The following PANK2 variants were observed in gnomAD, a reference collection of about 807,000 sequenced individuals.
PANK2 encodes the protein pantothenate kinase 2, also known as pantothenate kinase 2, mitochondrial.
Under a neutral mutation model 43.1 loss-of-function variants are expected in PANK2, and 36 were observed. The ratio of observed to expected loss-of-function variants is 0.84; its 90% confidence interval spans 0.64 to 1.10. PANK2 has a LOEUF of 1.10. Among genes scored for constraint, PANK2 ranks in the 50% least tolerant of loss-of-function variants. PANK2 has a pLI of 0.00. For missense variants in PANK2, 576 were observed against 593.3 expected, an observed-to-expected ratio of 0.97 and a Z score of 0.30; for synonymous variants, 281 against 238.2, an observed-to-expected ratio of 1.18 and a Z score of -1.66.
chr20:3,893,909 GT>G (rs1037817458), intron 1 of PANK2, among the ~76,000 whole-genome samples: 2,723 of 132,506 alleles, frequency 0.021, 86 homozygotes, highest in African/African-American at 0.065. Flanking sequence ...CAAGATGGGA[GT>G]TTTTTTTTTG....
At chr20:3,907,099 CTTTTTTT>C (rs71195867) in intron 1 of PANK2, among the ~76,000 whole-genome samples, 1 of 80,628 alleles carries the variant, frequency 1.2e-5, no homozygotes, top group Non-Finnish European at 2.2e-5. Flanking sequence ...CCAGCCCTGC[CTTTTTTT>C]TTTTTTTTTT....
chr20:3,919,115 C>CA (rs1286470327), intron 6 of PANK2, among the ~76,000 whole-genome samples: 1 of 152,124 alleles, frequency 6.6e-6, no homozygotes, highest in African/African-American at 2.4e-5. Context: ...CCATGTTGGC[C>CA]AAGCTGGTCT....
intron 5 of PANK2, chr20:3,917,456 G>T (rs770517405): frequency 7.5e-6 from 4 of 534,194 alleles, no homozygotes; most frequent in Non-Finnish European, 1.5e-5. Flanking sequence ...GCCGAGGGGT[G>T]CCCTCCTTGG....
chr20:3,923,915 T>C lies in PANK2; in HGVS notation c.*621T>C, dbSNP rs188359395. On this transcript the variant is annotated 3_prime_UTR_variant, in exon 7 of 7. Transcript: ENST00000610179. ...AATGTCTGGAGAGACAGGGCTTCTT[T>C]TCTTGGCAGAATTTCCTTGGGTAGT... 1 of 155,588 alleles carries C rather than the reference T, an allele frequency of 6.4e-6. No individual in the cohort carries two copies. Among genetic ancestry groups the C allele is most frequent in the East Asian group, 1.9e-4 (1 of 5,280 alleles). The allele number at this position is 155,588 out of a possible 1,614,324, so 9.6% of individuals were successfully genotyped here.
At chr20:3,910,476 A>G in intron 2 of PANK2, 101 bp from the exon 3 acceptor site, 1 of 1,303,596 alleles carries the variant, frequency 7.7e-7, no homozygotes, top group Non-Finnish European at 1.1e-6. Flanking sequence ...CTGTGAGTGC[A>G]CTTTCATGGT....
rs2090603216 is a variant in PANK2, at chr20:3,918,810, T to G, written c.1332+14T>G. Reference sequence around the variant, plus strand: ...TCGGAACACGAGGTAAGCTGACTTGTTCGTTGTGGTATATTATGTACACAG... The same window carrying G: ...TCGGAACACGAGGTAAGCTGACTTGGTCGTTGTGGTATATTATGTACACAG... On this transcript the variant is annotated intron_variant, in intron 6 of 6. Transcript: ENST00000610179. The G allele has an allele frequency of 6.2e-7, 1 of 1,614,070 alleles. No individual in the cohort carries two copies.
intron 1 of PANK2, among the ~76,000 whole-genome samples, chr20:3,905,764 G>A (rs1468121973): frequency 1.4e-5 from 2 of 141,396 alleles, no homozygotes; most frequent in East Asian, 4.1e-4. Context: ...CACCCAGGCT[G>A]TAGTGCAGTA....
At chr20:3,917,844 C>T (rs536866694) in intron 5 of PANK2, among the ~76,000 whole-genome samples, 1 of 152,212 alleles carries the variant, frequency 6.6e-6, no homozygotes, top group Non-Finnish European at 1.5e-5. Context: ...TGTTCCCTTT[C>T]CTGTGCTTAC....
chr20:3,919,629 A>G (rs947132165), intron 6 of PANK2, among the ~76,000 whole-genome samples: 6 of 152,178 alleles, frequency 3.9e-5, no homozygotes, highest in African/African-American at 1.4e-4. Flanking sequence ...CCTGTCTTGG[A>G]AAGCACTCTT....
In PANK2 at chr20:3,923,755, G is replaced by T. The variant is rs1459980125; in HGVS notation, c.*461G>T. On this transcript the variant is annotated 3_prime_UTR_variant, in exon 7 of 7. Coordinates refer to ENST00000610179, the MANE Select transcript of PANK2 (RefSeq NM_001386393.1). Reference sequence around the variant, plus strand: ...ACTCTGGTTTGCATTAAGCCTGTGTGTGAACTTACTGTAAAACATGTTTTA... The same window carrying T: ...ACTCTGGTTTGCATTAAGCCTGTGTTTGAACTTACTGTAAAACATGTTTTA... 1 of 167,074 alleles carries T rather than the reference G, an allele frequency of 6.0e-6. No individual in the cohort carries two copies. Among genetic ancestry groups the T allele is most frequent in the Non-Finnish European group, 1.3e-5 (1 of 76,162 alleles). 10.3% of individuals were successfully genotyped at this position (167,074 alleles called of 1,614,324 possible).
At chr20:3,913,099 A>G (rs558340410) in intron 4 of PANK2, among the ~76,000 whole-genome samples, 23 of 152,146 alleles carry the variant, frequency 1.5e-4, no homozygotes, top group Middle Eastern at 3.4e-3. Flanking sequence ...CTGTAATCCC[A>G]ATTTTAGGAC....
chr20:3,914,252 A>C (rs1461847272), intron 4 of PANK2, among the ~76,000 whole-genome samples: 1 of 152,014 alleles, frequency 6.6e-6, no homozygotes, highest in Non-Finnish European at 1.5e-5. Flanking sequence ...ATTTCTTGTC[A>C]ACATTTGTTA....
intron 4 of PANK2, among the ~76,000 whole-genome samples, chr20:3,913,739 T>C (rs1339584829): frequency 1.3e-5 from 2 of 151,232 alleles, no homozygotes; most frequent in Non-Finnish European, 2.9e-5. Context: ...TGAACATTTA[T>C]ATGTAAGTCT....
chr20:3,918,294 G>A (rs1243338959), intron 5 of PANK2, among the ~76,000 whole-genome samples: 2 of 151,944 alleles, frequency 1.3e-5, no homozygotes, highest in Admixed American at 6.6e-5. Flanking sequence ...TGAATTTTTC[G>A]CTGCCTGTTA....
chr20:3,912,430 ATAC>A (rs1416886879), intron 3 of PANK2, 25 bp from the exon 4 acceptor site: 1 of 1,608,912 alleles, frequency 6.2e-7, no homozygotes, highest in Non-Finnish European at 8.5e-7. Flanking sequence ...AAATGTTATA[ATAC>A]TGTGTTAATT....
At chr20:3,889,363 G>GCGGC (rs1448165044), upstream of PANK2, 2 of 1,578,676 alleles carry the variant, frequency 1.3e-6, no homozygotes, top group South Asian at 2.3e-5. Flanking sequence ...AACGGAAGAG[G>GCGGC]CGGCCGGCCG....
chr20:3,917,077 G>A, intron 5 of PANK2, 27 bp downstream of exon 5: 4 of 1,613,378 alleles, frequency 2.5e-6, no homozygotes, highest in Non-Finnish European at 3.4e-6. Context: ...TTCTTTAATT[G>A]CTCTAAGGAA....
At position 3,924,474 on chromosome 20, in the gene PANK2, A is replaced by T. The variant is rs1403125323; in HGVS notation, c.*1180A>T. On this transcript the variant is annotated 3_prime_UTR_variant, in exon 7 of 7. Coordinates refer to ENST00000610179, the MANE Select transcript of PANK2 (RefSeq NM_001386393.1). ...GAGGCAGCAGAGACACCCGTGTTCC[A>T]GCTGGGGCAAGGGGAACTGATATGT... The T allele has an allele frequency of 6.6e-6, 1 of 152,458 alleles. No individual in the cohort carries two copies. Among genetic ancestry groups the T allele is most frequent in the Non-Finnish European group, 1.5e-5 (1 of 68,222 alleles). 9.4% of individuals were successfully genotyped at this position (152,458 alleles called of 1,614,324 possible).
At chr20:3,907,730 C>T (rs569041339) in intron 1 of PANK2, among the ~76,000 whole-genome samples, 196 bp from the exon 2 acceptor site, 2 of 152,066 alleles carry the variant, frequency 1.3e-5, no homozygotes, top group Non-Finnish European at 2.9e-5. Context: ...TTTTCTTTTT[C>T]GTCTTTGCCG....
Sources: allele counts gnomAD v4.1 joint callset (sites outside exome capture counted in the v4.1 genomes callset), GRCh38; gene constraint gnomAD v4.1.1; transcripts MANE v1.5; gene names NCBI Gene and HGNC (gene_info 2026-07-23, HGNC 2026-07-21).